SH3RF3: variants seen among roughly 807,000 people sequenced by gnomAD.
SH3RF3 encodes the protein SH3 domain containing ring finger 3, also known as E3 ubiquitin-protein ligase SH3RF3.
SH3RF3 carries 29 observed loss-of-function variants against 66.3 expected under a neutral mutation model. The observed-to-expected ratio is 0.44, with a 90% confidence interval of 0.33 to 0.60. The LOEUF (loss-of-function observed/expected upper bound fraction) is 0.60, where lower values mean the gene tolerates loss of function less well. SH3RF3 is among the 20% of genes least tolerant of loss of function. SH3RF3 has a pLI of 0.04. For missense variants in SH3RF3, 1,194 were observed against 1,190.9 expected, an observed-to-expected ratio of 1.00 and a Z score of -0.04; for synonymous variants, 583 against 532.0, an observed-to-expected ratio of 1.10 and a Z score of -1.32.
chr2:109,407,246 C>G (rs1411059210), intron 4 of SH3RF3, among the ~76,000 whole-genome samples: 1 of 152,152 alleles, frequency 6.6e-6, no homozygotes, highest in Non-Finnish European at 1.5e-5. Flanking sequence ...AATAAGCAAC[C>G]CTTGGAAATT....
At chr2:109,472,588 G>A (rs930205747) in intron 8 of SH3RF3, among the ~76,000 whole-genome samples, 3 of 152,186 alleles carry the variant, frequency 2.0e-5, no homozygotes, top group Non-Finnish European at 2.9e-5. Context: ...GTTGGATGAA[G>A]TGATTTCCAT....
At chr2:109,382,146 G>A (rs1225255217) in intron 3 of SH3RF3, among the ~76,000 whole-genome samples, 1 of 152,220 alleles carries the variant, frequency 6.6e-6, no homozygotes, top group Non-Finnish European at 1.5e-5. Flanking sequence ...AGAGGGGTCT[G>A]ATAGCACCTA....
At chr2:109,274,898 A>G (rs1237799328) in intron 1 of SH3RF3, among the ~76,000 whole-genome samples, 1 of 150,910 alleles carries the variant, frequency 6.6e-6, no homozygotes, top group East Asian at 1.9e-4. Context: ...AGATAGAGGT[A>G]GTGGCTGCAC....
At chr2:109,199,602 T>TCAACCC (rs1558953936) in intron 1 of SH3RF3, among the ~76,000 whole-genome samples, 2 of 340 alleles carry the variant, frequency 5.9e-3, no homozygotes, top group African/African-American at 0.016. Context: ...TGGAATGGAA[T>TCAACCC]GGAATGGAAT....
intron 1 of SH3RF3, among the ~76,000 whole-genome samples, chr2:109,195,098 T>C (rs1377981748): frequency 6.6e-6 from 1 of 152,168 alleles, no homozygotes; most frequent in Non-Finnish European, 1.5e-5. Context: ...AAGAAGAGCA[T>C]TTTACACCTA....
chr2:109,369,804 G>A (rs1182411751), intron 2 of SH3RF3, among the ~76,000 whole-genome samples: 6 of 152,128 alleles, frequency 3.9e-5, no homozygotes, highest in Admixed American at 1.3e-4. Context: ...CTCCGCTCCC[G>A]GTGAAGCAGT....
intron 8 of SH3RF3, among the ~76,000 whole-genome samples, chr2:109,458,402 C>G (rs899440514): frequency 6.6e-6 from 1 of 152,122 alleles, no homozygotes; most frequent in African/African-American, 2.4e-5. Flanking sequence ...CCTTCTAACT[C>G]TTATTTATTC....
At chr2:109,493,427 C>A (rs1679181531) in intron 9 of SH3RF3, among the ~76,000 whole-genome samples, 1 of 151,390 alleles carries the variant, frequency 6.6e-6, no homozygotes, top group Non-Finnish European at 1.5e-5. Flanking sequence ...CATGCAAACA[C>A]AGACTACACA....
At chr2:109,146,885 T>TCCCCCC (rs570589119) in intron 1 of SH3RF3, among the ~76,000 whole-genome samples, 3 of 14,400 alleles carry the variant, frequency 2.1e-4, no homozygotes, top group East Asian at 0.011. Context: ...CTTTTTTCCC[T>TCCCCCC]CCCCCCCCCC....
chr2:109,336,738 A>G (rs1682431669), intron 1 of SH3RF3, among the ~76,000 whole-genome samples: 1 of 152,236 alleles, frequency 6.6e-6, no homozygotes, highest in African/African-American at 2.4e-5. Context: ...TTTTGTGGAG[A>G]TTTCCATTAC....
chr2:109,436,755 GTT>G, intron 6 of SH3RF3, 136 bp from the exon 7 acceptor site: 1 of 1,362,032 alleles, frequency 7.3e-7, no homozygotes, highest in African/African-American at 1.5e-5. Flanking sequence ...GACGGGCATT[GTT>G]TTAGGACCTC....
At chr2:109,357,988 A>G (rs6716113) in intron 2 of SH3RF3, among the ~76,000 whole-genome samples, 71,781 of 151,974 alleles carry the variant, frequency 0.47, 17,257 homozygotes, top group South Asian at 0.54. Context: ...TCATGTATCT[A>G]CCATTATAGG....
chr2:109,357,537 C>CT (rs1375657009), intron 2 of SH3RF3, among the ~76,000 whole-genome samples: 2 of 152,198 alleles, frequency 1.3e-5, no homozygotes, highest in Admixed American at 6.5e-5. Flanking sequence ...TCCTGTGCCT[C>CT]TGACAGTTAC....
chr2:109,170,187 A>G (rs1409014725), intron 1 of SH3RF3, among the ~76,000 whole-genome samples: 2 of 152,246 alleles, frequency 1.3e-5, no homozygotes, highest in East Asian at 1.9e-4. Flanking sequence ...CCTTATCTGC[A>G]GATGAACGAG....
At chr2:109,358,286 A>G (rs1010819336) in intron 2 of SH3RF3, among the ~76,000 whole-genome samples, 2 of 152,162 alleles carry the variant, frequency 1.3e-5, no homozygotes, top group Non-Finnish European at 2.9e-5. Context: ...CAGTTTGTTT[A>G]TCCATTCACC....
intron 1 of SH3RF3, among the ~76,000 whole-genome samples, chr2:109,280,833 G>A (rs185162207): frequency 6.6e-6 from 1 of 152,300 alleles, no homozygotes; most frequent in Admixed American, 6.5e-5. Flanking sequence ...ACAGTGGTCG[G>A]CTGTTTTATG....
chr2:109,457,931 T>C (rs960719363), intron 8 of SH3RF3, among the ~76,000 whole-genome samples: 2 of 152,154 alleles, frequency 1.3e-5, no homozygotes, highest in African/African-American at 4.8e-5. Flanking sequence ...CCACAGCACT[T>C]GCCAGCACTC....
intron 1 of SH3RF3, among the ~76,000 whole-genome samples, chr2:109,242,204 G>C (rs191442515): frequency 7.9e-5 from 12 of 152,204 alleles, no homozygotes; most frequent in African/African-American, 2.9e-4. Flanking sequence ...CCCTTTTCCT[G>C]CTGTTCTCAA....
intron 3 of SH3RF3, among the ~76,000 whole-genome samples, chr2:109,384,811 T>G (rs990905622): frequency 2.6e-5 from 4 of 152,184 alleles, no homozygotes; most frequent in African/African-American, 9.6e-5. Context: ...CCTGGGGATG[T>G]GGGCAGAAGG....
Sources: gnomAD v4.1 joint callset for allele counts (sites outside exome capture counted in the v4.1 genomes callset) on GRCh38, gnomAD v4.1.1 for gene constraint, MANE v1.5 for transcripts, NCBI Gene and HGNC (gene_info 2026-07-23, HGNC 2026-07-21) for gene names.